SLC26A9: variants seen among roughly 807,000 people sequenced by gnomAD.
SLC26A9 encodes solute carrier family 26 member 9.
Under a neutral mutation model 87.1 loss-of-function variants are expected in SLC26A9, and 46 were observed. The ratio of observed to expected loss-of-function variants is 0.53; its 90% CI spans 0.42 to 0.67. The LOEUF is 0.67. Ranked by LOEUF, SLC26A9 falls within the 30% of genes least tolerant of loss-of-function variation. SLC26A9 has a pLI of 0.00. For synonymous variants in SLC26A9, 437 were observed against 409.1 expected (o/e 1.07, Z -0.82); for missense variants, 927 against 1,018.3 (o/e 0.91, Z 1.22).
chr1:205,931,182 A>C (rs892802342), intron 5 of SLC26A9, among the ~76,000 whole-genome samples: 33 of 152,136 alleles, frequency 2.2e-4, no homozygotes, highest in Admixed American at 5.9e-4. Context: ...ATGTTGTGCA[A>C]CTGCTGCTGT....
chr1:205,934,583 A>G (rs193059688), intron 2 of SLC26A9, among the ~76,000 whole-genome samples: 45 of 152,368 alleles, frequency 3.0e-4, no homozygotes, highest in African/African-American at 8.2e-4. Context: ...TCATTCATTC[A>G]TGAAACAAAT....
At chr1:205,932,155 C>T in intron 4 of SLC26A9, 120 bp from the exon 5 acceptor site, 1 of 1,171,694 alleles carries the variant, frequency 8.5e-7, no homozygotes, top group Non-Finnish European at 1.2e-6. Flanking sequence ...CTCCAAGGCT[C>T]TTCTCCAACA....
chr1:205,923,259 C>T (rs1468026773), intron 15 of SLC26A9, 64 bp from the exon 16 acceptor site: 3 of 1,610,384 alleles, frequency 1.9e-6, no homozygotes, highest in African/African-American at 1.3e-5. Flanking sequence ...CTATTCTCAG[C>T]TCCCACCGCC....
intron 1 of SLC26A9, among the ~76,000 whole-genome samples, chr1:205,941,800 A>G (rs1659756597): frequency 6.6e-6 from 1 of 152,262 alleles, no homozygotes; most frequent in Non-Finnish European, 1.5e-5. Context: ...TGACAAGGTC[A>G]TGGGCTCCCT....
intron 1 of SLC26A9, 45 bp from the exon 2 acceptor site, chr1:205,935,883 C>T: frequency 6.4e-7 from 1 of 1,565,142 alleles, no homozygotes; most frequent in Non-Finnish European, 8.7e-7. Context: ...ACATCCCTCC[C>T]TAGTGCCAGC....
At position 205,935,504 on chromosome 1, in the gene SLC26A9, G is replaced by C. The variant is rs1015008670; in HGVS notation, c.125+192C>G. ...ACCCTTCTGGATGGTTCTTGCTCCT[G>C]CTCCCCATCCTCCCTGGGGGTCTCA... On this transcript the variant is annotated intron_variant, in intron 2 of 20. Coordinates refer to ENST00000367135, the MANE Select transcript of SLC26A9 (RefSeq NM_052934.4). The C allele has an allele frequency of 3.9e-6, 3 of 771,162 alleles. No homozygotes were observed. The African/African-American group carries it at 5.2e-5, about 13-fold the overall frequency. 47.8% of individuals were successfully genotyped at this position (771,162 alleles called of 1,614,324 possible).
At chr1:205,918,787 C>A in intron 19 of SLC26A9, 53 bp downstream of exon 19, 2 of 1,576,542 alleles carry the variant, frequency 1.3e-6, no homozygotes, top group South Asian at 2.3e-5. Flanking sequence ...GCCTCTTGGT[C>A]CTGCTATTTC....
Position 205,915,160 on chromosome 1 carries a change from C to T in SLC26A9, c.*197G>A, listed in dbSNP as rs1558116630. ...ACTCTCACTCCTGTAAGGGTAGCACCCCCCTGCTGCTGAGAGGCTCTCTCT... is the reference window on the plus strand; with the variant it reads ...ACTCTCACTCCTGTAAGGGTAGCACTCCCCTGCTGCTGAGAGGCTCTCTCT... On this transcript the variant is annotated 3_prime_UTR_variant, in exon 21 of 21. Coordinates refer to ENST00000367135, the MANE Select transcript of SLC26A9 (RefSeq NM_052934.4). 1 of 1,612,550 alleles carries T rather than the reference C, an allele frequency of 6.2e-7. No homozygotes were observed. The highest frequency in any genetic ancestry group is 8.5e-7 in the Non-Finnish European group (1 of 1,179,046).
intron 1 of SLC26A9, among the ~76,000 whole-genome samples, chr1:205,942,290 G>C (rs551763475): frequency 6.6e-6 from 1 of 152,314 alleles, no homozygotes; most frequent in East Asian, 1.9e-4. Context: ...GGCCATGCTG[G>C]TCTCCATGCT....
rs920671750 is a variant in SLC26A9 at position 205,929,475 on chromosome 1, G to T, written c.718-119C>A. On this transcript the variant is annotated intron_variant, in intron 6 of 20. Transcript: ENST00000367135. ...AAGCTAATGGAGGCACACCAAGACA[G>T]AATTAAAACCCTGATCAGGAACCCT... The T allele has an allele frequency of 1.3e-5, 18 of 1,438,888 alleles. No individual in the cohort carries two copies. The Admixed American group carries it at 2.5e-4, about 20-fold the overall frequency. The allele number at this position is 1,438,888 out of a possible 1,614,324, so 89.1% of individuals were successfully genotyped here.
rs866107084 is a variant in SLC26A9 at position 205,931,915 on chromosome 1, T to C, written c.497A>G (p.Glu166Gly). ...AGCTGACACGTGCAGCCTCTCAGCC[T>C]CCATGGCTGCTGTGTCCACATAGCT... ...NESYVDTAAM[E>G]AERLHVSATL... The change falls in exon 5 of 21, where the codon GAG becomes GGG. Residue 166 changes from glutamate (E) to glycine (G), a missense_variant. By Grantham distance (98) the Glu-to-Gly change is moderately conservative. Coordinates refer to ENST00000367135, the MANE Select transcript of SLC26A9 (RefSeq NM_052934.4). 6 of 1,614,188 alleles carry C rather than the reference T, an allele frequency of 3.7e-6. No individual in the cohort carries two copies. The Middle Eastern group carries it at 8.3e-4, about 222-fold the overall frequency.
In SLC26A9 at chr1:205,929,938, A is replaced by G; in HGVS notation, c.671T>C (p.Phe224Ser). ...QILISVLKYI[F>S]GLTIPSYTGP... ...TGTGTAGGAGGGGATGGTCAGTCCG[A>G]AGATGTACTTGAGCACCGAAATCAG... Residue 224 changes from phenylalanine to serine, a missense_variant, in exon 6 of 21, where the codon TTC becomes TCC. Phe to Ser is a radical substitution (Grantham distance 155, BLOSUM62 -2). Transcript: ENST00000367135. 6.2e-7 allele frequency: 1 copy of G among 1,613,600 alleles called. No individual in the cohort carries two copies. The highest frequency in any genetic ancestry group is 8.5e-7 in the Non-Finnish European group (1 of 1,179,538).
At chr1:205,933,529 G>T (rs1044906333) in intron 2 of SLC26A9, among the ~76,000 whole-genome samples, 2 of 152,142 alleles carry the variant, frequency 1.3e-5, no homozygotes, top group Non-Finnish European at 2.9e-5. Context: ...CTCCCACTAG[G>T]CAGCAAACCC....
At chr1:205,915,817 G>A (rs12128159) in intron 20 of SLC26A9, among the ~76,000 whole-genome samples, 6,352 of 152,170 alleles carry the variant, frequency 0.042, 170 homozygotes, top group African/African-American at 0.056. Context: ...TTCCAAGAGG[G>A]CACCGAAATC....
chr1:205,927,651 C>A (rs1290065261), intron 9 of SLC26A9, 46 bp from the exon 10 acceptor site: 2 of 1,561,884 alleles, frequency 1.3e-6, no homozygotes, highest in African/African-American at 2.7e-5. Context: ...GGCTGGGGGG[C>A]ACGGGGACCA....
intron 20 of SLC26A9, among the ~76,000 whole-genome samples, chr1:205,916,996 G>A (rs1420844205): frequency 2.0e-5 from 3 of 151,788 alleles, no homozygotes; most frequent in African/African-American, 4.8e-5. Flanking sequence ...GGGAGGCTGA[G>A]GCAGGAGAAC....
In SLC26A9 at chr1:205,921,552, C is replaced by T; in HGVS notation, c.2055+14G>A. On this transcript the variant is annotated intron_variant, in intron 17 of 20. Transcript: ENST00000367135. ...GGTGGAGTGGGTGGTGCTTGCTGTT[C>T]CCGAGGGCCTCACCTTGGCCAGGGC... 3 of 1,601,402 alleles carry T rather than the reference C, an allele frequency of 1.9e-6. No homozygotes were observed. Among genetic ancestry groups the T allele is most frequent in the Non-Finnish European group, 2.5e-6 (3 of 1,177,604 alleles).
At position 205,928,016 on chromosome 1, in the gene SLC26A9, C is replaced by T. The variant is rs181775319; in HGVS notation, c.987G>A (p.Gln329=). The T allele has an allele frequency of 1.2e-6, 2 of 1,613,946 alleles. No individual in the cohort carries two copies. The highest frequency in any genetic ancestry group is 2.2e-5 in the East Asian group (1 of 44,892). ...FPTPVSPVVS[Q]WKDMIGTAFS... ...AGGCTGTGCCTATCATGTCCTTCCA[C>T]TGTGAGACCACAGGCGACACCGGGG... Residue 329 remains glutamine (Q), a synonymous_variant, in exon 9 of 21, where the codon CAG becomes CAA. Coordinates refer to ENST00000367135, the MANE Select transcript of SLC26A9 (RefSeq NM_052934.4).
At chr1:205,917,193 C>G (rs933094276) in intron 20 of SLC26A9, 90 bp downstream of exon 20, 1 of 1,301,610 alleles carries the variant, frequency 7.7e-7, no homozygotes, top group Non-Finnish European at 1.1e-6. Flanking sequence ...GGAGGTGAGA[C>G]AGCTGAGTGA....
Sources: allele counts gnomAD v4.1 joint callset (sites outside exome capture counted in the v4.1 genomes callset), GRCh38; gene constraint gnomAD v4.1.1; transcripts MANE v1.5; gene names NCBI Gene and HGNC (gene_info 2026-07-23, HGNC 2026-07-21).